The following ATCAY variants were observed in gnomAD, a reference collection of about 807,000 sequenced individuals.
The protein encoded by ATCAY is ATCAY kinesin light chain interacting caytaxin.
In ATCAY, 22 loss-of-function variants were observed where a neutral mutation model predicts 47.7. The observed-to-expected ratio is 0.46, with a 90% CI of 0.33 to 0.66. The LOEUF is 0.66. ATCAY is among the 30% of genes least tolerant of loss of function. ATCAY has a pLI of 0.02. For missense variants in ATCAY, 452 were observed against 515.0 expected, an observed-to-expected ratio of 0.88 and a Z score of 1.18; for synonymous variants, 216 against 207.6, an observed-to-expected ratio of 1.04 and a Z score of -0.35.
chr19:3,890,247 A>ATTTTTTTTTTTT (rs764697276), intron 2 of ATCAY, among the ~76,000 whole-genome samples: 1 of 38,550 alleles, frequency 2.6e-5, no homozygotes, highest in Non-Finnish European at 4.4e-5. Context: ...TCCACCTATA[A>ATTTTTTTTTTTT]TTTTTTTTTT....
At chr19:3,895,507 G>A (rs1376258615) in intron 2 of ATCAY, among the ~76,000 whole-genome samples, 1 of 150,714 alleles carries the variant, frequency 6.6e-6, no homozygotes, top group African/African-American at 2.4e-5. Flanking sequence ...GAGCCACCGC[G>A]CCTGGCCCCC....
At position 3,902,475 on chromosome 19, in the gene ATCAY, A is replaced by T. The variant is rs1420832379; in HGVS notation, c.78-12A>T. The T allele has an allele frequency of 6.4e-7, 1 of 1,567,080 alleles. No individual in the cohort carries two copies. The highest frequency in any genetic ancestry group is 1.9e-5 in the Admixed American group (1 of 52,990). ...CCCGGCGACTGATGCCTGTTCCTGGATGGGTCCGCAGGCCACTCCCAGAAG... is the reference window on the plus strand; with the variant it reads ...CCCGGCGACTGATGCCTGTTCCTGGTTGGGTCCGCAGGCCACTCCCAGAAG... On this transcript the variant is annotated splice_polypyrimidine_tract_variant and intron_variant, in intron 2 of 12. Transcript: ENST00000450849.
intron 11 of ATCAY, among the ~76,000 whole-genome samples, chr19:3,920,058 C>T (rs1193424512): frequency 6.6e-6 from 1 of 152,062 alleles, no homozygotes; most frequent in Non-Finnish European, 1.5e-5. Context: ...TAGAAAATGC[C>T]CAAGAATGGG....
intron 8 of ATCAY, 125 bp downstream of exon 8, chr19:3,911,014 TC>T (rs2038918426): frequency 2.0e-6 from 2 of 1,015,580 alleles, no homozygotes; most frequent in Non-Finnish European, 3.0e-6. Context: ...TGTGTGTGCA[TC>T]CATGTGTGTG....
chr19:3,910,791 G>A lies in ATCAY; in HGVS notation c.780-12G>A, dbSNP rs1419201699. 8 of 1,613,818 alleles carry A rather than the reference G, an allele frequency of 5.0e-6. No homozygotes were observed. Among genetic ancestry groups the A allele is most frequent in the East Asian group, 2.2e-5 (1 of 44,892 alleles). On this transcript the variant is annotated splice_polypyrimidine_tract_variant and intron_variant, in intron 7 of 12. Transcript: ENST00000450849. The stretch of plus-strand genomic sequence containing the variant: ...CAGGAGCCCATCTTGCTTCCTTTGC[G>A]GCCCCACACAGGTTGCGGAAAAACC...
In ATCAY at chr19:3,907,192, C is replaced by T. The variant is rs936887976; in HGVS notation, c.359-542C>T. Among the ~76,000 whole-genome samples the T allele has an allele frequency of 1.3e-5, 2 of 151,498 alleles. No individual in the cohort carries two copies. Among genetic ancestry groups the T allele is most frequent in the African/African-American group, 2.4e-5 (1 of 41,222 alleles). ...CAATGTAGTGGCTCATTCCTGTAATCCCAGAGCTTCGGGAGGCCAGGGTAG... is the reference window on the plus strand; with the variant it reads ...CAATGTAGTGGCTCATTCCTGTAATTCCAGAGCTTCGGGAGGCCAGGGTAG... On this transcript the variant is annotated intron_variant, in intron 4 of 12. Coordinates refer to ENST00000450849, the MANE Select transcript of ATCAY (RefSeq NM_033064.5). The surrounding 1 kb of genome is among the most constrained non-coding windows in gnomAD (Gnocchi z 5.1).
At chr19:3,922,621 C>T (rs1465934540) in intron 12 of ATCAY, among the ~76,000 whole-genome samples, 1 of 152,212 alleles carries the variant, frequency 6.6e-6, no homozygotes, top group Non-Finnish European at 1.5e-5. Context: ...CACATAGACA[C>T]TCCAGCCAGG....
intron 2 of ATCAY, among the ~76,000 whole-genome samples, chr19:3,892,805 G>A (rs775997295): frequency 9.9e-5 from 15 of 152,080 alleles, no homozygotes; most frequent in Admixed American, 3.9e-4. Flanking sequence ...CTACTGGGGA[G>A]GCTGAAGCAG....
intron 1 of ATCAY, among the ~76,000 whole-genome samples, chr19:3,885,120 A>C (rs544374866): frequency 8.1e-5 from 12 of 148,934 alleles, no homozygotes; most frequent in Non-Finnish European, 9.0e-5. Flanking sequence ...AAAAAAAAAA[A>C]AAAAAAAAAA....
chr19:3,896,564 G>C lies in ATCAY; in HGVS notation c.78-5923G>C, dbSNP rs566326495. Among the ~76,000 whole-genome samples the C allele has an allele frequency of 1.3e-4, 19 of 151,542 alleles. No homozygotes were observed. In the South Asian group the frequency reaches 4.0e-3, roughly 32 times the overall value. On this transcript the variant is annotated intron_variant, in intron 2 of 12. Transcript: ENST00000450849. ...TTACAGGCATGAGCCCCTGCGCCCG[G>C]CCTGAGATGCTTTCTACAGCTTCAT... is the stretch of plus-strand genomic sequence containing the variant.
rs182388250 is a variant in ATCAY, at chr19:3,902,031, A to G, written c.78-456A>G. Among the ~76,000 whole-genome samples, 318 of 151,588 alleles carry G rather than the reference A, an allele frequency of 2.1e-3. 3 individuals are homozygous for G. Among genetic ancestry groups the G allele is most frequent in the African/African-American group, 7.5e-3 (308 of 41,310 alleles). On this transcript the variant is annotated intron_variant, in intron 2 of 12. Coordinates refer to ENST00000450849, the MANE Select transcript of ATCAY (RefSeq NM_033064.5). ...AAAAAATAAAAGAAAAAGAAAAAAC[A>G]TGCGCTTGTGGTGGCTCACGCCCGT... is the stretch of plus-strand genomic sequence containing the variant.
intron 12 of ATCAY, chr19:3,922,073 G>A (rs756307902): frequency 5.7e-5 from 39 of 683,990 alleles, no homozygotes; most frequent in Non-Finnish European, 9.0e-5. Flanking sequence ...GCCAACTAGA[G>A]AAGCTGACCC....
At chr19:3,917,491 A>G (rs893152247) in intron 9 of ATCAY, among the ~76,000 whole-genome samples, 14 of 142,424 alleles carry the variant, frequency 9.8e-5, no homozygotes, top group African/African-American at 3.9e-4. Context: ...AGGCTGAGGC[A>G]GCAGAATCAC....
At chr19:3,923,732 G>A (rs1426806745) in intron 12 of ATCAY, among the ~76,000 whole-genome samples, 2 of 149,836 alleles carry the variant, frequency 1.3e-5, no homozygotes, top group African/African-American at 4.9e-5. Flanking sequence ...AGATGAATGG[G>A]TGGGTGGATG....
Position 3,924,155 on chromosome 19 carries a change from G to T in ATCAY, c.1107-428G>T, listed in dbSNP as rs1208742236. ...GGGTGGGTGGATGGGTGGATGGACG[G>T]ATGAGTGAGTGGCTGGATGGGTGGG... On this transcript the variant is annotated intron_variant, in intron 12 of 12. Transcript: ENST00000450849. Among the ~76,000 whole-genome samples, 4 of 151,622 alleles carry T rather than the reference G, an allele frequency of 2.6e-5. No individual in the cohort carries two copies. In the East Asian group the frequency reaches 7.8e-4, roughly 30 times the overall value.
intron 4 of ATCAY, 44 bp downstream of exon 4, chr19:3,905,699 C>G (rs145603275): frequency 1.4e-5 from 22 of 1,533,216 alleles, no homozygotes; most frequent in South Asian, 3.5e-5. Flanking sequence ...GCCCACCCCC[C>G]CCACCCCACC....
intron 1 of ATCAY, among the ~76,000 whole-genome samples, chr19:3,882,209 G>A (rs1475575591): frequency 1.3e-5 from 2 of 152,150 alleles, no homozygotes; most frequent in African/African-American, 4.8e-5. Flanking sequence ...TGGTTTTTTT[G>A]AGACAGGGTC....
chr19:3,910,364 G>A (rs987276395), intron 7 of ATCAY, among the ~76,000 whole-genome samples: 1 of 152,100 alleles, frequency 6.6e-6, no homozygotes. Flanking sequence ...TCTCTTGATG[G>A]ACATGGGTTG....
chr19:3,891,355 T>C (rs2145226418), intron 2 of ATCAY, among the ~76,000 whole-genome samples: 1 of 152,066 alleles, frequency 6.6e-6, no homozygotes, highest in Non-Finnish European at 1.5e-5. Flanking sequence ...CCGGCCTCCT[T>C]CTAGCATTTT....
Sources: allele counts gnomAD v4.1 joint callset (sites outside exome capture counted in the v4.1 genomes callset), GRCh38; gene constraint gnomAD v4.1.1; non-coding constraint Gnocchi (gnomAD v3.1); transcripts MANE v1.5; gene names NCBI Gene and HGNC (gene_info 2026-07-23, HGNC 2026-07-21).